Variants in PGCKA1 observed in about 807,000 individuals in gnomAD.
PGCKA1 encodes the protein PDCD10 and GCKIII kinases-associated protein 1.
chr4:37,459,412 C>T, the PGCKA1 span, among the ~76,000 whole-genome samples: 2 of 152,254 alleles, frequency 1.3e-5, no homozygotes, highest in Middle Eastern at 3.4e-3. Flanking sequence ...AAGATCCTCA[C>T]GTCATTTATA....
At chr4:37,581,778 C>T in the PGCKA1 span, among the ~76,000 whole-genome samples, 7 of 152,244 alleles carry the variant, frequency 4.6e-5, no homozygotes, top group South Asian at 1.4e-3. The surrounding 1 kb of genome is among the most constrained non-coding windows in gnomAD (Gnocchi z 4.4). Flanking sequence ...CCCCCCAGGT[C>T]CACTGGCTCT....
chr4:37,547,306 G>A, the PGCKA1 span, among the ~76,000 whole-genome samples: 3 of 152,176 alleles, frequency 2.0e-5, no homozygotes, highest in African/African-American at 7.2e-5. Flanking sequence ...GACCTGGCTT[G>A]GATTTCTGGA....
the PGCKA1 span, among the ~76,000 whole-genome samples, chr4:37,562,045 C>T: frequency 2.6e-5 from 4 of 152,166 alleles, no homozygotes; most frequent in African/African-American, 4.8e-5. Flanking sequence ...ACAAAAAGCA[C>T]AAAATGCAAA....
the PGCKA1 span, among the ~76,000 whole-genome samples, chr4:37,496,919 A>G: frequency 2.6e-5 from 4 of 152,036 alleles, no homozygotes; most frequent in Non-Finnish European, 5.9e-5. Context: ...GGTGTATAGG[A>G]ATACTAGTGA....
chr4:37,584,935 A>G, the PGCKA1 span, among the ~76,000 whole-genome samples: 370 of 149,908 alleles, frequency 2.5e-3, 1 homozygote, highest in African/African-American at 8.6e-3. Flanking sequence ...CTTCAGTTAC[A>G]TTATTACAAT....
the PGCKA1 span, among the ~76,000 whole-genome samples, chr4:37,535,657 G>C: frequency 6.6e-6 from 1 of 152,198 alleles, no homozygotes; most frequent in Non-Finnish European, 1.5e-5. Flanking sequence ...CATTCGTAAA[G>C]AACTGAAAAT....
the PGCKA1 span, among the ~76,000 whole-genome samples, chr4:37,472,671 C>T: frequency 6.6e-6 from 1 of 152,172 alleles, no homozygotes; most frequent in Non-Finnish European, 1.5e-5. Context: ...AATTTAAAAA[C>T]CTCCTTGCTA....
the PGCKA1 span, among the ~76,000 whole-genome samples, chr4:37,586,184 T>G: frequency 1.3e-5 from 2 of 152,106 alleles, no homozygotes; most frequent in African/African-American, 4.8e-5. Context: ...GCCAAGTGAC[T>G]GAGGCCCAAA....
chr4:37,571,108 G>A, the PGCKA1 span, among the ~76,000 whole-genome samples: 2 of 152,180 alleles, frequency 1.3e-5, no homozygotes, highest in African/African-American at 4.8e-5. Flanking sequence ...GGTTGGATTA[G>A]GCATTGCCTG....
the PGCKA1 span, among the ~76,000 whole-genome samples, chr4:37,536,762 T>A: frequency 6.6e-6 from 1 of 152,220 alleles, no homozygotes; most frequent in African/African-American, 2.4e-5. Flanking sequence ...AATGCATAAA[T>A]GAATGGGCCT....
At chr4:37,591,410 C>G in the PGCKA1 span, 7 of 155,910 alleles carry the variant, frequency 4.5e-5, no homozygotes, top group African/African-American at 1.7e-4. Context: ...AACTGTTTAC[C>G]TTGCTTTTGA....
chr4:37,466,064 G>A, the PGCKA1 span, among the ~76,000 whole-genome samples: 2 of 152,070 alleles, frequency 1.3e-5, no homozygotes, highest in Admixed American at 1.3e-4. Flanking sequence ...GAGTGGGAGT[G>A]CCTCTCACTA....
chr4:37,467,449 C>T, the PGCKA1 span, among the ~76,000 whole-genome samples: 1 of 152,182 alleles, frequency 6.6e-6, no homozygotes, highest in East Asian at 1.9e-4. Flanking sequence ...CTTCTTCTAT[C>T]ATAGAATCTT....
the PGCKA1 span, among the ~76,000 whole-genome samples, chr4:37,504,782 C>G: frequency 2.0e-5 from 3 of 152,100 alleles, no homozygotes; most frequent in Non-Finnish European, 4.4e-5. Context: ...TATCCTGTAA[C>G]TTTACTGAAT....
At chr4:37,564,251 G>A in the PGCKA1 span, among the ~76,000 whole-genome samples, 1 of 144,360 alleles carries the variant, frequency 6.9e-6, no homozygotes, top group Non-Finnish European at 1.5e-5. Context: ...TCCAGCCTGG[G>A]TGACAAGAGT....
the PGCKA1 span, chr4:37,454,005 C>CCCGCCGCCG: frequency 2.2e-3 from 347 of 159,552 alleles, 3 homozygotes; most frequent in African/African-American, 6.5e-3. Flanking sequence ...GCGCCGGGAC[C>CCCGCCGCCG]CCGCCGCCGC....
At chr4:37,550,651 C>T in the PGCKA1 span, among the ~76,000 whole-genome samples, 1,247 of 152,278 alleles carry the variant, frequency 8.2e-3, 19 homozygotes, top group African/African-American at 0.029. Context: ...CAAAGACGCT[C>T]TCCAGAACCC....
At chr4:37,525,600 T>C in the PGCKA1 span, among the ~76,000 whole-genome samples, 1 of 152,200 alleles carries the variant, frequency 6.6e-6, no homozygotes. Context: ...ACCACCACTC[T>C]GCAGAAAATA....
the PGCKA1 span, among the ~76,000 whole-genome samples, chr4:37,455,816 C>T: frequency 6.6e-6 from 1 of 152,176 alleles, no homozygotes; most frequent in African/African-American, 2.4e-5. Flanking sequence ...TAGGGCCGGC[C>T]CCTTTCCTCC....
Sources: gnomAD v4.1 joint callset for allele counts (sites outside exome capture counted in the v4.1 genomes callset) on GRCh38, gnomAD v4.1.1 for gene constraint, Gnocchi (gnomAD v3.1) non-coding constraint, MANE v1.5 for transcripts, NCBI Gene and HGNC (gene_info 2026-07-23, HGNC 2026-07-21) for gene names.